The following MEF2C variants were observed in gnomAD, a reference collection of about 807,000 sequenced individuals.
MEF2C encodes myocyte enhancer factor 2C.
Under a neutral mutation model 50.5 loss-of-function variants are expected in MEF2C, and 6 were observed. The observed-to-expected ratio is 0.12, with a 90% confidence interval of 0.07 to 0.23. MEF2C has a LOEUF of 0.23. Ranked by LOEUF, MEF2C falls within the 10% of genes least tolerant of loss-of-function variation. The pLI is 1.00. For missense variants in MEF2C, 276 were observed against 605.0 expected (o/e 0.46, Z 5.70); for synonymous variants, 183 against 228.0 (o/e 0.80, Z 1.78).
chr5:88,749,386 A>G (rs372608354), intron 5 of MEF2C: 1 of 985,114 alleles, frequency 1.0e-6, no homozygotes. Flanking sequence ...CATTTTTATT[A>G]TTTCTAAGTC....
chr5:88,736,000 C>A, intron 6 of MEF2C: 1 of 985,354 alleles, frequency 1.0e-6, no homozygotes, highest in Non-Finnish European at 1.2e-6. Flanking sequence ...CAGAATTAGT[C>A]ACTATGGACC....
chr5:88,874,980 T>A (rs1830631366), intron 1 of MEF2C, among the ~76,000 whole-genome samples: 1 of 151,952 alleles, frequency 6.6e-6, no homozygotes, highest in Non-Finnish European at 1.5e-5. Context: ...CTCATACAAA[T>A]GAGAATTCTA....
intron 1 of MEF2C, among the ~76,000 whole-genome samples, chr5:88,847,929 CACAA>C (rs1819902745): frequency 6.6e-6 from 1 of 152,060 alleles, no homozygotes; most frequent in Non-Finnish European, 1.5e-5. Flanking sequence ...TGAATTTGAA[CACAA>C]ACAATGATTA....
At chr5:88,812,308 A>G (rs1046170807) in intron 2 of MEF2C, among the ~76,000 whole-genome samples, 4 of 152,206 alleles carry the variant, frequency 2.6e-5, no homozygotes, top group African/African-American at 9.6e-5. Flanking sequence ...GAATAGATAT[A>G]TGGACAGAGG....
At chr5:88,750,078 A>G (rs2152507406) in intron 5 of MEF2C, 2 of 679,588 alleles carry the variant, frequency 2.9e-6, no homozygotes, top group East Asian at 2.7e-4. Flanking sequence ...CATTCAGCCA[A>G]AAGAATAATA....
intron 6 of MEF2C, chr5:88,734,513 TGG>T: frequency 1.0e-6 from 1 of 979,090 alleles, no homozygotes; most frequent in Non-Finnish European, 1.2e-6. Flanking sequence ...TGACAAGCAC[TGG>T]GCCAGTGTGC....
intron 3 of MEF2C, among the ~76,000 whole-genome samples, chr5:88,765,908 G>A (rs1451736360): frequency 1.3e-5 from 2 of 152,160 alleles, no homozygotes; most frequent in African/African-American, 2.4e-5. Context: ...AGCTTTCCAC[G>A]TCAGAGTGAC....
At position 88,721,229 on chromosome 5, in the gene MEF2C, A is replaced by G. The variant is rs899122309; in HGVS notation, c.*1375T>C. 1.3e-5 allele frequency: 2 copies of G among 152,650 alleles called. No homozygotes were observed. Among genetic ancestry groups the G allele is most frequent in the Non-Finnish European group, 2.9e-5 (2 of 68,022 alleles). The allele number at this position is 152,650 out of a possible 1,614,324, so 9.5% of individuals were successfully genotyped here. On this transcript the variant is annotated 3_prime_UTR_variant, in exon 11 of 11. Coordinates refer to ENST00000504921, the MANE Select transcript of MEF2C (RefSeq NM_002397.5). ...AACCAGATGATTTAGAATATGGGCAAGTTAGGATATGCACTTACTGAATTC... is the reference window on the plus strand; with the variant it reads ...AACCAGATGATTTAGAATATGGGCAGGTTAGGATATGCACTTACTGAATTC...
At chr5:88,880,988 A>C (rs1030946377) in intron 1 of MEF2C, 1 of 152,162 alleles carries the variant, frequency 6.6e-6, no homozygotes, top group Non-Finnish European at 1.5e-5. Flanking sequence ...GGTGCAATTA[A>C]TGAATGAAGT....
At chr5:88,760,226 T>G (rs1014218780) in intron 4 of MEF2C, among the ~76,000 whole-genome samples, 8 of 152,238 alleles carry the variant, frequency 5.3e-5, no homozygotes, top group African/African-American at 1.7e-4. Context: ...TCCTCCTATA[T>G]ATGTGGACAA....
intron 3 of MEF2C, among the ~76,000 whole-genome samples, chr5:88,787,883 C>T (rs1267400161): frequency 6.6e-6 from 1 of 152,200 alleles, no homozygotes; most frequent in Non-Finnish European, 1.5e-5. Context: ...TTTCCATTTT[C>T]TCTTCTTCCT....
At chr5:88,878,691 T>C (rs1249594812) in intron 1 of MEF2C, among the ~76,000 whole-genome samples, 3 of 152,034 alleles carry the variant, frequency 2.0e-5, no homozygotes, top group Non-Finnish European at 2.9e-5. Context: ...CTTTTCTAAA[T>C]AGTCTTTCTT....
chr5:88,807,821 A>G (rs1433608713), intron 2 of MEF2C, among the ~76,000 whole-genome samples: 1 of 152,214 alleles, frequency 6.6e-6, no homozygotes, highest in African/African-American at 2.4e-5. Context: ...AGCTGTAGTG[A>G]CCATCGTTTG....
chr5:88,759,265 C>A (rs1436980510), intron 4 of MEF2C, among the ~76,000 whole-genome samples: 2 of 152,148 alleles, frequency 1.3e-5, no homozygotes, highest in East Asian at 3.9e-4. Context: ...GGTGGATCAC[C>A]TAAGGTCAGG....
chr5:88,761,469 A>C, intron 3 of MEF2C, 141 bp from the exon 4 acceptor site: 2 of 1,014,672 alleles, frequency 2.0e-6, no homozygotes, highest in Non-Finnish European at 2.8e-6. Context: ...CCACAGATGA[A>C]AGCTGAGTCA....
chr5:88,733,368 T>C, intron 6 of MEF2C: 2 of 985,302 alleles, frequency 2.0e-6, no homozygotes, highest in Non-Finnish European at 2.4e-6. Flanking sequence ...TGTGGAGATC[T>C]CAAATTCCAG....
chr5:88,736,305 T>C (rs1764055881), intron 6 of MEF2C: 1 of 63,106 alleles, frequency 1.6e-5, no homozygotes, highest in South Asian at 5.6e-4. Flanking sequence ...CCATCCTGGC[T>C]AACAAGGTGA....
chr5:88,820,555 GA>G (rs1282429340), intron 2 of MEF2C, among the ~76,000 whole-genome samples: 3 of 151,964 alleles, frequency 2.0e-5, no homozygotes, highest in African/African-American at 7.2e-5. Flanking sequence ...TCTTTTTCTG[GA>G]AAAAACATAA....
rs961151699 is a variant in MEF2C, at chr5:88,819,437, A to G, written c.54+4298T>C. 3 of 944,506 alleles carry G rather than the reference A, an allele frequency of 3.2e-6. No homozygotes were observed. The African/African-American group carries it at 5.3e-5, about 17-fold the overall frequency. 58.5% of individuals were successfully genotyped at this position (944,506 alleles called of 1,614,324 possible). ...TGTCTAACATCCAATCTTTTCTCTC[A>G]TTTCTCTACAGTCATACACCAGGCT... is the stretch of plus-strand genomic sequence containing the variant. On this transcript the variant is annotated intron_variant, in intron 2 of 10. Coordinates refer to ENST00000504921, the MANE Select transcript of MEF2C (RefSeq NM_002397.5).
Sources: gnomAD v4.1 joint callset for allele counts (sites outside exome capture counted in the v4.1 genomes callset) on GRCh38, gnomAD v4.1.1 for gene constraint, MANE v1.5 for transcripts, NCBI Gene and HGNC (gene_info 2026-07-23, HGNC 2026-07-21) for gene names.